DNAH2: variants seen among roughly 807,000 people sequenced by gnomAD.
DNAH2 encodes axonemal beta dynein heavy chain 2.
In DNAH2, 323 loss-of-function variants were observed where a neutral mutation model predicts 523.5. That is an observed-to-expected ratio of 0.62 (90% CI 0.56 to 0.68). The LOEUF is 0.68. Among genes scored for constraint, DNAH2 ranks in the 30% least tolerant of loss-of-function variants. The probability of loss-of-function intolerance (pLI) is 0.00; values close to 1 mark genes in which losing one functional copy is unlikely to be tolerated. For missense variants in DNAH2, 4,907 were observed against 5,701.5 expected, an observed-to-expected ratio of 0.86 and a Z score of 4.49; for synonymous variants, 2,093 against 2,177.4, an observed-to-expected ratio of 0.96 and a Z score of 1.08.
At chr17:7,733,924 C>T (rs1420663610) in intron 5 of DNAH2, among the ~76,000 whole-genome samples, 1 of 152,174 alleles carries the variant, frequency 6.6e-6, no homozygotes, top group Non-Finnish European at 1.5e-5. Flanking sequence ...ACTCACATGT[C>T]TCGTGGTAGA....
At chr17:7,768,715 C>T (rs902097238) in intron 24 of DNAH2, among the ~76,000 whole-genome samples, 2 of 152,156 alleles carry the variant, frequency 1.3e-5, no homozygotes, top group Non-Finnish European at 2.9e-5. Flanking sequence ...ACCCCCAGCC[C>T]CTGGTAACCA....
At position 7,821,690 on chromosome 17, in the gene DNAH2, C is replaced by G. The variant is rs2077859161; in HGVS notation, c.11142+321C>G. On this transcript the variant is annotated intron_variant, in intron 73 of 85. Transcript: ENST00000572933. The surrounding 1 kb of genome is among the most constrained non-coding windows in gnomAD (Gnocchi z 5.0). ...TGAGTTCCATGGTCGCCCTCACAAT[C>G]TCTCCCTCACAGGCTCCTCAACCCC... is the stretch of plus-strand genomic sequence containing the variant. Among the ~76,000 whole-genome samples, 1 of 152,144 alleles carries G rather than the reference C, an allele frequency of 6.6e-6. No individual in the cohort carries two copies. The highest frequency in any genetic ancestry group is 1.5e-5 in the Non-Finnish European group (1 of 68,036).
At chr17:7,792,219 G>C in intron 45 of DNAH2, 33 bp from the exon 46 acceptor site, 1 of 1,609,922 alleles carries the variant, frequency 6.2e-7, no homozygotes, top group Middle Eastern at 1.7e-4. Context: ...CTCAAGGAAG[G>C]CTTTGGTAAC....
chr17:7,795,964 T>A (rs894803544), intron 49 of DNAH2, among the ~76,000 whole-genome samples: 10 of 146,086 alleles, frequency 6.8e-5, no homozygotes, highest in African/African-American at 2.2e-4. Context: ...TAAATAAATA[T>A]AAATATGTAT....
rs970671443 is a variant in DNAH2, at chr17:7,765,881, G to A, written c.3511+316G>A. On this transcript the variant is annotated intron_variant, in intron 21 of 85. Coordinates refer to ENST00000572933, the MANE Select transcript of DNAH2 (RefSeq NM_020877.5). ...CAACCTCCGCCTCCCAGGTTCAAACGATTCTCCTGCCTCAGCCTCCCCGAG... is the reference window on the plus strand; with the variant it reads ...CAACCTCCGCCTCCCAGGTTCAAACAATTCTCCTGCCTCAGCCTCCCCGAG... 4.6e-5 allele frequency among the ~76,000 whole-genome samples: 7 copies of A among 151,842 alleles called. 1 individual carries two copies. In the South Asian group the frequency reaches 8.3e-4, roughly 18 times the overall value.
rs1597542653 is a variant in DNAH2, at chr17:7,754,461, A to G, written c.1905-2630A>G. 2.9e-6 allele frequency: 2 copies of G among 684,172 alleles called. No individual in the cohort carries two copies. Among genetic ancestry groups the G allele is most frequent in the East Asian group, 2.5e-5 (1 of 40,274 alleles). 42.4% of individuals were successfully genotyped at this position (684,172 alleles called of 1,614,324 possible). A position where few individuals can be genotyped will look rare whatever the true frequency, so the allele number is the denominator to read the frequency against. On this transcript the variant is annotated intron_variant, in intron 12 of 85. Coordinates refer to ENST00000572933, the MANE Select transcript of DNAH2 (RefSeq NM_020877.5). This position sits in a 1 kb window ranked among gnomAD's most constrained non-coding sequence, Gnocchi z 4.6. ...ACAGAAATGGTATCAAGAAACCGCG[A>G]TCACAAAGATACAAATCTCTTAAGG...
intron 11 of DNAH2, 68 bp from the exon 12 acceptor site, chr17:7,742,860 C>CGGTGGTCGCCGTATCATT: frequency 1.6e-6 from 2 of 1,217,056 alleles, no homozygotes; most frequent in Admixed American, 3.3e-5. Flanking sequence ...GTGTAGGTCT[C>CGGTGGTCGCCGTATCATT]AGGGAGATGG....
At chr17:7,792,466 G>C (rs2151273977) in intron 46 of DNAH2, 123 bp downstream of exon 46, 2 of 1,134,612 alleles carry the variant, frequency 1.8e-6, no homozygotes, top group Admixed American at 3.9e-5. Flanking sequence ...CCCAGAGAAG[G>C]GCTGCCTCTT....
At chr17:7,787,789 C>G in intron 42 of DNAH2, 71 bp from the exon 43 acceptor site, 1 of 1,479,360 alleles carries the variant, frequency 6.8e-7, no homozygotes, top group Non-Finnish European at 9.0e-7. Context: ...ATCCGAGTTC[C>G]GGGTGTTTTA....
At chr17:7,788,892 C>T (rs1364318395) in intron 44 of DNAH2, among the ~76,000 whole-genome samples, 7 of 152,060 alleles carry the variant, frequency 4.6e-5, no homozygotes, top group African/African-American at 7.2e-5. Flanking sequence ...GGGCTGGGCA[C>T]GGTGGCTCAC....
intron 49 of DNAH2, 82 bp downstream of exon 49, chr17:7,794,440 CCAGGGGG>C: frequency 7.7e-7 from 1 of 1,303,420 alleles, no homozygotes; most frequent in Non-Finnish European, 1.1e-6. Context: ...GGGCCAGATC[CCAGGGGG>C]CTGCGGCACC....
chr17:7,782,640 G>C (rs1157203682), intron 39 of DNAH2, among the ~76,000 whole-genome samples: 7 of 152,090 alleles, frequency 4.6e-5, no homozygotes, highest in African/African-American at 1.7e-4. Context: ...ACAGACAGTG[G>C]AATCAGATCC....
intron 77 of DNAH2, among the ~76,000 whole-genome samples, chr17:7,826,150 G>A (rs543451974): frequency 6.6e-6 from 1 of 152,310 alleles, no homozygotes; most frequent in East Asian, 1.9e-4. Flanking sequence ...CACCTGAGTA[G>A]CTGGGACTAC....
At chr17:7,782,651 A>G (rs2151250991) in intron 39 of DNAH2, among the ~76,000 whole-genome samples, 1 of 152,306 alleles carries the variant, frequency 6.6e-6, no homozygotes, top group South Asian at 2.1e-4. Flanking sequence ...AATCAGATCC[A>G]TGAAAACTTA....
In DNAH2 at chr17:7,798,456, T is replaced by G; in HGVS notation, c.8399-102T>G. 1 of 1,548,968 alleles carries G rather than the reference T, an allele frequency of 6.5e-7. No individual in the cohort carries two copies. The highest frequency in any genetic ancestry group is 8.7e-7 in the Non-Finnish European group (1 of 1,148,558). ...GTGTTGGGTGTAGGATGGTGTCGCG[T>G]GTATGCTGCGGGGCGGGGAGGGTTC... On this transcript the variant is annotated intron_variant, in intron 54 of 85. Transcript: ENST00000572933. The surrounding 1 kb of genome is among the most constrained non-coding windows in gnomAD (Gnocchi z 5.5).
intron 27 of DNAH2, among the ~76,000 whole-genome samples, 162 bp downstream of exon 27, chr17:7,771,095 G>T (rs981193167): frequency 6.6e-6 from 1 of 152,046 alleles, no homozygotes; most frequent in Non-Finnish European, 1.5e-5. Flanking sequence ...TCTCACCTTA[G>T]ATTCCCTCCG....
intron 63 of DNAH2, among the ~76,000 whole-genome samples, chr17:7,809,209 C>T (rs995704866): frequency 2.0e-5 from 3 of 152,180 alleles, no homozygotes; most frequent in Admixed American, 6.5e-5. Flanking sequence ...CATCCAGGTT[C>T]GACCTCCACA....
In DNAH2 at chr17:7,759,900, A is replaced by G; in HGVS notation, c.2747A>G (p.Lys916Arg). ...TGCCACCTCCCTGACATTCTCACCA[A>G]GCGCAAGTTACATCGTGAACCCATC... ...VFCHLPDILT[K>R]RKLHREPIQT... The change falls in exon 17 of 86, where the codon AAG becomes AGG. Residue 916 changes from lysine to arginine, a missense_variant. Transcript: ENST00000572933. 2 of 1,614,152 alleles carry G rather than the reference A, an allele frequency of 1.2e-6. No individual in the cohort carries two copies. The highest frequency in any genetic ancestry group is 2.2e-5 in the South Asian group (2 of 91,082).
At position 7,827,381 on chromosome 17, in the gene DNAH2, GT is replaced by G. The variant is rs2078049276; in HGVS notation, c.11853+2659del. ...TTTATAATTTGACTTTCACATTTAA[GT>G]TTTTAATCACTTGGAATTCATTTTT... is the stretch of plus-strand genomic sequence containing the variant. On this transcript the variant is annotated intron_variant, in intron 77 of 85. Transcript: ENST00000572933. 1.3e-5 allele frequency among the ~76,000 whole-genome samples: 2 copies of G among 152,036 alleles called. 1 individual carries two copies. Among genetic ancestry groups the G allele is most frequent in the South Asian group, 4.1e-4 (2 of 4,832 alleles).
Sources: allele counts gnomAD v4.1 joint callset (sites outside exome capture counted in the v4.1 genomes callset), GRCh38; gene constraint gnomAD v4.1.1; non-coding constraint Gnocchi (gnomAD v3.1); transcripts MANE v1.5; gene names NCBI Gene and HGNC (gene_info 2026-07-23, HGNC 2026-07-21).